HEATR1: variants seen among roughly 807,000 people sequenced by gnomAD.
HEATR1 encodes HEAT repeat containing 1.
A neutral mutation model predicts 248.2 loss-of-function variants in HEATR1; 77 were observed. That is an observed-to-expected ratio of 0.31 (90% CI 0.26 to 0.37). The LOEUF is 0.37. HEATR1 is among the 10% of genes least tolerant of loss of function. The pLI is 1.00. For synonymous variants in HEATR1, 897 were observed against 923.1 expected, an observed-to-expected ratio of 0.97 and a Z score of 0.51; for missense variants, 2,420 against 2,504.9, an observed-to-expected ratio of 0.97 and a Z score of 0.72.
At chr1:236,564,040 C>T (rs1389460798) in intron 32 of HEATR1, among the ~76,000 whole-genome samples, 1 of 152,148 alleles carries the variant, frequency 6.6e-6, no homozygotes, top group Non-Finnish European at 1.5e-5. Flanking sequence ...ATTGCTTGAG[C>T]CCAGGAGTTT....
Position 236,585,067 on chromosome 1 carries a change from C to A in HEATR1, c.2199G>T (p.Leu733Phe), listed in dbSNP as rs1663848295. 6.2e-7 allele frequency: 1 copy of A among 1,612,982 alleles called. No individual in the cohort carries two copies. The highest frequency in any genetic ancestry group is 8.5e-7 in the Non-Finnish European group (1 of 1,179,662). Residue 733 changes from leucine to phenylalanine, a missense_variant, in exon 17 of 45, where the codon TTG becomes TTT. Coordinates refer to ENST00000366582, the MANE Select transcript of HEATR1 (RefSeq NM_018072.6). Reference sequence around the variant, plus strand: ...TTTCAAGCTTCTTTATTTTTTTCTGCAACAAACTGAAGACTCTTATCGCAA... The same window carrying A: ...TTTCAAGCTTCTTTATTTTTTTCTGAAACAAACTGAAGACTCTTATCGCAA... Reference protein sequence around the residue: ...FPFAIRVFSLLQKKIKKLESV... With the variant: ...FPFAIRVFSLFQKKIKKLESV...
chr1:236,577,122 G>A (rs925233278), intron 20 of HEATR1, among the ~76,000 whole-genome samples, 173 bp from the exon 21 acceptor site: 22 of 135,780 alleles, frequency 1.6e-4, no homozygotes, highest in African/African-American at 5.5e-4. Flanking sequence ...TATGTTACCT[G>A]GTGCATTCTT....
At chr1:236,570,979 T>C (rs1663410585) in intron 28 of HEATR1, among the ~76,000 whole-genome samples, 2 of 152,258 alleles carry the variant, frequency 1.3e-5, no homozygotes. Context: ...GGTTAAAGGT[T>C]ACTTTGAGGA....
chr1:236,580,518 C>CT (rs1663689230), intron 20 of HEATR1, among the ~76,000 whole-genome samples: 1 of 45,868 alleles, frequency 2.2e-5, no homozygotes, highest in African/African-American at 5.8e-5. Context: ...GATGTACAGC[C>CT]CTTTTTTTTT....
intron 12 of HEATR1, among the ~76,000 whole-genome samples, chr1:236,589,288 T>C (rs1663969384): frequency 6.6e-6 from 1 of 152,214 alleles, no homozygotes; most frequent in Non-Finnish European, 1.5e-5. Flanking sequence ...TCAATGAATT[T>C]ATTTAACATA....
intron 20 of HEATR1, 80 bp downstream of exon 20, chr1:236,581,126 TTTTTTTTAAGTTATAA>T: frequency 8.8e-7 from 1 of 1,132,640 alleles, no homozygotes; most frequent in Non-Finnish European, 1.3e-6. Context: ...CCTCTGCTAT[TTTTTTTTAAGTTATAA>T]TTTTCCAAAC....
chr1:236,601,665 A>AAAAC (rs202213479), intron 3 of HEATR1, among the ~76,000 whole-genome samples: 158 of 88,834 alleles, frequency 1.8e-3, no homozygotes, highest in African/African-American at 4.4e-3. Flanking sequence ...AACAAAAACA[A>AAAAC]AAACAAACAA....
intron 17 of HEATR1, among the ~76,000 whole-genome samples, chr1:236,584,012 G>C (rs1332106611): frequency 6.6e-6 from 1 of 152,040 alleles, no homozygotes; most frequent in Non-Finnish European, 1.5e-5. Context: ...TGACAAATAT[G>C]ACTCTGTACA....
Position 236,572,707 on chromosome 1 carries a change from T to C in HEATR1, c.3563+18A>G. On this transcript the variant is annotated intron_variant, in intron 25 of 44. Coordinates refer to ENST00000366582, the MANE Select transcript of HEATR1 (RefSeq NM_018072.6). The stretch of plus-strand genomic sequence containing the variant: ...TCAGGGAACAACAGCATGTGCTCAA[T>C]GCATTTGTAGCTCTTACTTCTGCTG... 1.2e-6 allele frequency: 2 copies of C among 1,610,226 alleles called. No individual in the cohort carries two copies. The highest frequency in any genetic ancestry group is 1.1e-5 in the South Asian group (1 of 90,964).
chr1:236,583,223 A>G, intron 17 of HEATR1, 27 bp from the exon 18 acceptor site: 1 of 1,557,262 alleles, frequency 6.4e-7, no homozygotes, highest in Non-Finnish European at 8.7e-7. Flanking sequence ...AACAAAAACT[A>G]GTACAAACTA....
intron 30 of HEATR1, 30 bp from the exon 31 acceptor site, chr1:236,566,075 C>T (rs918089955): frequency 1.2e-6 from 2 of 1,605,158 alleles, no homozygotes; most frequent in Non-Finnish European, 8.5e-7. Flanking sequence ...GGTAACAAAT[C>T]TGTACTTAGG....
intron 43 of HEATR1, 36 bp downstream of exon 43, chr1:236,553,545 A>AGATGCAGTTTCAGTACTTGT (rs1308917266): frequency 6.3e-7 from 1 of 1,599,918 alleles, no homozygotes; most frequent in African/African-American, 1.3e-5. Context: ...TGCAGTGAAA[A>AGATGCAGTTTCAGTACTTGT]GATGCAGTTT....
rs376304118 is a variant in HEATR1 at position 236,574,267 on chromosome 1, A to G, written c.3394T>C (p.Phe1132Leu). Residue 1132 changes from phenylalanine to leucine, a missense_variant, in exon 24 of 45, where the codon TTT becomes CTT. By Grantham distance (22) the Phe-to-Leu change is conservative. Coordinates refer to ENST00000366582, the MANE Select transcript of HEATR1 (RefSeq NM_018072.6). ...KVQQKLLRMLFDLLVNCKNSH... is the reference protein window; with the variant it reads ...KVQQKLLRMLLDLLVNCKNSH... ...TTTTTACAGTTCACCAATAAATCAA[A>G]CAACATTCTTAAAAGCTTCTGCTGA... 1.9e-6 allele frequency: 3 copies of G among 1,613,066 alleles called. No homozygotes were observed. The highest frequency in any genetic ancestry group is 2.5e-6 in the Non-Finnish European group (3 of 1,179,530).
intron 37 of HEATR1, among the ~76,000 whole-genome samples, chr1:236,556,641 T>C (rs528971770): frequency 7.2e-5 from 11 of 152,342 alleles, no homozygotes; most frequent in African/African-American, 2.2e-4. Context: ...GTGGTGTAAG[T>C]GAAGCGGTTT....
intron 32 of HEATR1, among the ~76,000 whole-genome samples, chr1:236,561,850 G>T (rs1163321983): frequency 6.6e-6 from 1 of 152,186 alleles, no homozygotes; most frequent in Non-Finnish European, 1.5e-5. Flanking sequence ...ATTTGCCTCT[G>T]TTGTTAGATG....
chr1:236,593,127 G>GAGGTTGCAGTGAGCCGA (rs1381628414), intron 9 of HEATR1, among the ~76,000 whole-genome samples: 3 of 152,066 alleles, frequency 2.0e-5, no homozygotes, highest in Non-Finnish European at 2.9e-5. Context: ...CTGGGAGGCG[G>GAGGTTGCAGTGAGCCGA]AGGTTGCAGT....
rs1014397470 is a variant in HEATR1 at position 236,549,995 on chromosome 1, C to G, written c.*907G>C. ...GCTTCAAAGGCTTTTAAACTCAATG[C>G]GAACATTCTACGGGATGTTCTTAGA... is the stretch of plus-strand genomic sequence containing the variant. On this transcript the variant is annotated 3_prime_UTR_variant, in exon 45 of 45. Coordinates refer to ENST00000366582, the MANE Select transcript of HEATR1 (RefSeq NM_018072.6). The G allele has an allele frequency of 6.6e-6, 1 of 152,098 alleles. No individual in the cohort carries two copies. Among genetic ancestry groups the G allele is most frequent in the African/African-American group, 2.4e-5 (1 of 41,400 alleles). 9.4% of individuals were successfully genotyped at this position (152,098 alleles called of 1,614,324 possible). A position where few individuals can be genotyped will look rare whatever the true frequency, so the allele number is the denominator to read the frequency against.
Position 236,561,006 on chromosome 1 carries a change from CTCTTAT to C in HEATR1, c.4646+213_4646+218del, listed in dbSNP as rs1363074268. 2.0e-5 allele frequency among the ~76,000 whole-genome samples: 3 copies of C among 152,160 alleles called. No homozygotes were observed. In the East Asian group the frequency reaches 5.8e-4, roughly 29 times the overall value. ...ATGTACTGTGGTTTTATAAGAACAT[CTCTTAT>C]TCTTAGAGACATAATGTATATGATT... On this transcript the variant is annotated intron_variant, in intron 33 of 44. Coordinates refer to ENST00000366582, the MANE Select transcript of HEATR1 (RefSeq NM_018072.6).
intron 8 of HEATR1, among the ~76,000 whole-genome samples, 199 bp downstream of exon 8, chr1:236,595,341 T>G (rs559920674): frequency 6.6e-6 from 1 of 152,254 alleles, no homozygotes; most frequent in African/African-American, 2.4e-5. Context: ...TTCTAAGAAA[T>G]TACTCAATTA....
Sources: allele counts gnomAD v4.1 joint callset (sites outside exome capture counted in the v4.1 genomes callset), GRCh38; gene constraint gnomAD v4.1.1; transcripts MANE v1.5; gene names NCBI Gene and HGNC (gene_info 2026-07-23, HGNC 2026-07-21).